Variants in REEP5 observed in about 807,000 individuals in gnomAD.
REEP5 encodes receptor expression-enhancing protein 5.
REEP5 carries 24 observed loss-of-function variants against 22.4 expected under a neutral mutation model. The ratio of observed to expected loss-of-function variants is 1.07; its 90% confidence interval spans 0.78 to 1.51. The LOEUF (loss-of-function observed/expected upper bound fraction) is 1.51. Ranked by LOEUF, REEP5 falls within the 40% of genes most tolerant of loss-of-function variation. The pLI is 0.00. For synonymous variants in REEP5, 103 were observed against 88.6 expected (o/e 1.16, Z -0.92); for missense variants, 252 against 233.0 (o/e 1.08, Z -0.53).
intron 2 of REEP5, among the ~76,000 whole-genome samples, chr5:112,904,012 A>T (rs1275633545): frequency 6.6e-6 from 1 of 152,196 alleles, no homozygotes. Flanking sequence ...CTAAATTTTT[A>T]GTAGAGACAA....
At chr5:112,917,111 A>C (rs1156354528) in intron 2 of REEP5, among the ~76,000 whole-genome samples, 1 of 152,200 alleles carries the variant, frequency 6.6e-6, no homozygotes, top group Non-Finnish European at 1.5e-5. Flanking sequence ...TTAAAGATTA[A>C]ATATATAGTG....
chr5:112,881,796 C>T (rs1422454743), intron 4 of REEP5, among the ~76,000 whole-genome samples: 1 of 152,154 alleles, frequency 6.6e-6, no homozygotes, highest in Non-Finnish European at 1.5e-5. Flanking sequence ...GACAGGGTCT[C>T]ACTCTGTCAC....
chr5:112,892,617 A>C, intron 3 of REEP5: 1 of 1,614,162 alleles, frequency 6.2e-7, no homozygotes, highest in Non-Finnish European at 8.5e-7. Flanking sequence ...AACAATGTCC[A>C]AGAGGAAAAC....
chr5:112,921,372 T>A lies in REEP5; in HGVS notation c.119-116A>T, dbSNP rs544843402. On this transcript the variant is annotated intron_variant, in intron 1 of 4. Transcript: ENST00000379638. ...GTAGGAGTTTTCCTCTCGACTCGAT[T>A]AAAGGAGCGAGAAAAACAAACCACA... The A allele has an allele frequency of 2.6e-4, 252 of 960,036 alleles. 2 individuals carry two copies. In the African/African-American group the frequency reaches 3.6e-3, roughly 14 times the overall value. 59.5% of individuals were successfully genotyped at this position (960,036 alleles called of 1,614,324 possible). A position where few individuals can be genotyped will look rare whatever the true frequency, so the allele number is the denominator to read the frequency against.
chr5:112,913,920 T>TTGTG (rs150644247), intron 2 of REEP5, among the ~76,000 whole-genome samples: 10 of 150,416 alleles, frequency 6.6e-5, no homozygotes, highest in Admixed American at 1.3e-4. Context: ...GTGTGTGTGT[T>TTGTG]TGTGTGTGTG....
intron 3 of REEP5, chr5:112,897,223 TAC>T (rs1272806977): frequency 6.6e-6 from 1 of 152,110 alleles, no homozygotes; most frequent in Non-Finnish European, 1.5e-5. Context: ...TATATACACA[TAC>T]ACACAGAGTT....
At position 112,921,205 on chromosome 5, in the gene REEP5, A is replaced by G. The variant is rs1769352940; in HGVS notation, c.170T>C (p.Leu57Pro). The change falls in exon 2 of 5, where the codon CTC (leucine) becomes CCC (proline). Residue 57 changes from leucine (L) to proline (P), a missense_variant. By Grantham distance (98) the Leu-to-Pro change is moderately conservative. Coordinates refer to ENST00000379638, the MANE Select transcript of REEP5 (RefSeq NM_005669.5). ...LYLVFGYGAS[L>P]LCNLIGFGYP... ...GCCAAATCCTATCAGGTTGCAGAGG[A>G]GAGAGGCTCCATAACCGAACACCAG... The G allele has an allele frequency of 1.2e-6, 2 of 1,613,992 alleles. No individual in the cohort carries two copies. Among genetic ancestry groups the G allele is most frequent in the Non-Finnish European group, 1.7e-6 (2 of 1,180,020 alleles).
intron 4 of REEP5, among the ~76,000 whole-genome samples, chr5:112,881,784 G>A (rs1768083195): frequency 6.6e-6 from 1 of 151,868 alleles, no homozygotes; most frequent in Admixed American, 6.6e-5. Flanking sequence ...TATTTATTTA[G>A]AGACAGGGTC....
intron 2 of REEP5, among the ~76,000 whole-genome samples, chr5:112,919,510 G>C (rs989684492): frequency 6.6e-6 from 1 of 152,156 alleles, no homozygotes; most frequent in Admixed American, 6.5e-5. Flanking sequence ...CGGTTGCAGT[G>C]AACTGAGATT....
rs748536916 is a variant in REEP5 at position 112,922,062 on chromosome 5, C to G, written c.118+11G>C. On this transcript the variant is annotated intron_variant, in intron 1 of 4. Coordinates refer to ENST00000379638, the MANE Select transcript of REEP5 (RefSeq NM_005669.5). ...TGGCCCTACCAGCGGCGGCGACCCC[C>G]GGCCACCCACCAAGAGCGATGAAGC... 9 of 1,584,974 alleles carry G rather than the reference C, an allele frequency of 5.7e-6. No homozygotes were observed. In the South Asian group the frequency reaches 1.0e-4, roughly 18 times the overall value.
intron 4 of REEP5, among the ~76,000 whole-genome samples, chr5:112,879,609 G>A (rs1580725844): frequency 1.3e-5 from 2 of 152,098 alleles, no homozygotes; most frequent in East Asian, 1.9e-4. Flanking sequence ...GAGTAGCTGG[G>A]ACTACATGCA....
intron 2 of REEP5, among the ~76,000 whole-genome samples, chr5:112,911,346 G>A (rs1049931723): frequency 6.6e-6 from 1 of 151,704 alleles, no homozygotes; most frequent in East Asian, 1.9e-4. Flanking sequence ...TGACATAAAA[G>A]GTGTGCATCA....
chr5:112,916,228 T>C (rs979624325), intron 2 of REEP5, among the ~76,000 whole-genome samples: 1 of 152,204 alleles, frequency 6.6e-6, no homozygotes, highest in Non-Finnish European at 1.5e-5. Context: ...TTAACTGTGT[T>C]ACAACTCTTG....
At chr5:112,911,097 C>T (rs190644207) in intron 2 of REEP5, among the ~76,000 whole-genome samples, 7 of 152,262 alleles carry the variant, frequency 4.6e-5, no homozygotes, top group Admixed American at 2.0e-4. Flanking sequence ...ATATGAGAGG[C>T]GCACAAATAA....
At chr5:112,900,459 T>G (rs1055599391) in intron 3 of REEP5, among the ~76,000 whole-genome samples, 7 of 152,332 alleles carry the variant, frequency 4.6e-5, no homozygotes, top group African/African-American at 1.2e-4. Flanking sequence ...GGCATAAAAG[T>G]CCTGTCTTTG....
At chr5:112,892,536 A>G (rs1768509689) in intron 3 of REEP5, 1 of 1,614,106 alleles carries the variant, frequency 6.2e-7, no homozygotes, top group South Asian at 1.1e-5. Flanking sequence ...GGTATGCAGG[A>G]CGACAGCTGC....
intron 3 of REEP5, among the ~76,000 whole-genome samples, chr5:112,891,300 T>C (rs1033374333): frequency 2.0e-5 from 3 of 152,114 alleles, no homozygotes; most frequent in Admixed American, 2.0e-4. Context: ...CTCAAACTCC[T>C]GGCCTCAGGT....
chr5:112,907,983 C>G (rs911589502), intron 2 of REEP5, among the ~76,000 whole-genome samples: 1 of 149,468 alleles, frequency 6.7e-6, no homozygotes, highest in Non-Finnish European at 1.5e-5. Context: ...TCCTGAATAA[C>G]AGAATTTTAC....
rs141543688 is a variant in REEP5, at chr5:112,915,968, A to G, written c.212+5195T>C. ...GAACTACAAATACACATCCTCCAGT[A>G]CTGTTAAGGAAACAGCTCTGCTTCC... On this transcript the variant is annotated intron_variant, in intron 2 of 4. Transcript: ENST00000379638. Among the ~76,000 whole-genome samples, 17 of 152,174 alleles carry G rather than the reference A, an allele frequency of 1.1e-4. No individual in the cohort carries two copies. The East Asian group carries it at 3.3e-3, about 29-fold the overall frequency.
Sources: allele counts gnomAD v4.1 joint callset (sites outside exome capture counted in the v4.1 genomes callset), GRCh38; gene constraint gnomAD v4.1.1; transcripts MANE v1.5; gene names NCBI Gene and HGNC (gene_info 2026-07-23, HGNC 2026-07-21).